Variants in LYSMD3 observed in about 807,000 individuals in gnomAD.
LYSMD3 encodes lysM and putative peptidoglycan-binding domain-containing protein 3.
LYSMD3 carries 13 observed loss-of-function variants against 26.1 expected under a neutral mutation model. The observed-to-expected ratio is 0.50, with a 90% CI of 0.32 to 0.79. The LOEUF (loss-of-function observed/expected upper bound fraction) is 0.79. Among genes scored for constraint, LYSMD3 ranks in the 30% least tolerant of loss-of-function variants. LYSMD3 has a pLI of 0.03. For synonymous variants in LYSMD3, 109 were observed against 119.4 expected, an observed-to-expected ratio of 0.91 and a Z score of 0.57; for missense variants, 331 against 362.5, an observed-to-expected ratio of 0.91 and a Z score of 0.71.
At chr5:90,529,366 A>AG (rs1753303551) in intron 1 of LYSMD3, 82 bp downstream of exon 1, 2 of 456,004 alleles carry the variant, frequency 4.4e-6, no homozygotes, top group Non-Finnish European at 8.8e-6. Flanking sequence ...GCCGAGGCTC[A>AG]GCGCCTCCCG....
At chr5:90,528,783 G>A (rs1171097222) in intron 1 of LYSMD3, among the ~76,000 whole-genome samples, 7 of 152,178 alleles carry the variant, frequency 4.6e-5, no homozygotes, top group Non-Finnish European at 7.3e-5. Flanking sequence ...CCTAGATTAC[G>A]AGGGGCCACA....
intron 2 of LYSMD3, among the ~76,000 whole-genome samples, chr5:90,521,399 A>C (rs1205034599): frequency 1.3e-5 from 2 of 152,108 alleles, no homozygotes; most frequent in African/African-American, 4.8e-5. Flanking sequence ...AGCAGGGAGT[A>C]GTGAACAGAA....
chr5:90,526,604 AGT>A (rs1420537250), intron 1 of LYSMD3, among the ~76,000 whole-genome samples: 1 of 152,224 alleles, frequency 6.6e-6, no homozygotes, highest in African/African-American at 2.4e-5. Flanking sequence ...GGAGGGAAGT[AGT>A]AAGAAGCACT....
intron 2 of LYSMD3, chr5:90,520,462 CTG>C: frequency 2.2e-6 from 1 of 454,836 alleles, no homozygotes; most frequent in South Asian, 1.6e-5. Flanking sequence ...AAATGGAACA[CTG>C]TGGAGGGTAA....
In LYSMD3 at chr5:90,518,703, A is replaced by C. The variant is rs1372466772; in HGVS notation, c.*116T>G. Reference sequence around the variant, plus strand: ...CAAAGTGTGAAACCCTTTTGTTAAAAACAAAAGCATCCTCAATCTCTCTAA... The same window carrying C: ...CAAAGTGTGAAACCCTTTTGTTAAACACAAAAGCATCCTCAATCTCTCTAA... On this transcript the variant is annotated 3_prime_UTR_variant, in exon 3 of 3. Coordinates refer to ENST00000315948, the MANE Select transcript of LYSMD3 (RefSeq NM_198273.2). 1 of 1,116,830 alleles carries C rather than the reference A, an allele frequency of 9.0e-7. No homozygotes were observed. The highest frequency in any genetic ancestry group is 2.6e-5 in the Admixed American group (1 of 38,930). The allele number at this position is 1,116,830 out of a possible 1,614,324, so 69.2% of individuals were successfully genotyped here.
At chr5:90,524,678 G>T (rs1241782430) in intron 2 of LYSMD3, among the ~76,000 whole-genome samples, 6 of 152,086 alleles carry the variant, frequency 3.9e-5, no homozygotes, top group Non-Finnish European at 8.8e-5. Context: ...TGCAAGCTCC[G>T]CCTCCCAGGT....
chr5:90,526,745 C>T (rs1005864898), intron 1 of LYSMD3, among the ~76,000 whole-genome samples: 2 of 152,036 alleles, frequency 1.3e-5, no homozygotes, highest in Non-Finnish European at 2.9e-5. Flanking sequence ...GGAAGAGGAG[C>T]TGGGGGAGGA....
At chr5:90,523,965 G>A (rs1580233336) in intron 2 of LYSMD3, among the ~76,000 whole-genome samples, 1 of 152,240 alleles carries the variant, frequency 6.6e-6, no homozygotes, top group Admixed American at 6.5e-5. Context: ...GGTCCAAATA[G>A]AGTATAGTAT....
At chr5:90,523,326 A>C (rs1753138666) in intron 2 of LYSMD3, among the ~76,000 whole-genome samples, 1 of 151,922 alleles carries the variant, frequency 6.6e-6, no homozygotes, top group African/African-American at 2.4e-5. Context: ...GTTTTGATGA[A>C]TTGTGAATTG....
rs572879081 is a variant in LYSMD3 at position 90,518,690 on chromosome 5, C to A, written c.*129G>T. 28 of 941,854 alleles carry A rather than the reference C, an allele frequency of 3.0e-5. No homozygotes were observed. Among genetic ancestry groups the A allele is most frequent in the African/African-American group, 1.5e-4 (9 of 60,344 alleles). The allele number at this position is 941,854 out of a possible 1,614,324, so 58.3% of individuals were successfully genotyped here. ...CTCAAAAAATTTTCAAAGTGTGAAA[C>A]CCTTTTGTTAAAAACAAAAGCATCC... On this transcript the variant is annotated 3_prime_UTR_variant, in exon 3 of 3. Transcript: ENST00000315948.
Position 90,519,151 on chromosome 5 carries a change from C to G in LYSMD3, c.589G>C (p.Glu197Gln). Reference sequence around the variant, plus strand: ...CGTTGAGTGTTTTTGTTATCAGGTTCAAAACGCATTTGTTGTGCTGTTAAG... The same window carrying G: ...CGTTGAGTGTTTTTGTTATCAGGTTGAAAACGCATTTGTTGTGCTGTTAAG... ...SALTAQQMRFEPDNKNTQRKD... is the reference protein window; with the variant it reads ...SALTAQQMRFQPDNKNTQRKD... Residue 197 changes from glutamate to glutamine, a missense_variant, in exon 3 of 3, where the codon GAA becomes CAA. Glu to Gln is a conservative substitution (Grantham distance 29). Transcript: ENST00000315948. The G allele has an allele frequency of 6.2e-7, 1 of 1,614,096 alleles. No individual in the cohort carries two copies. The highest frequency in any genetic ancestry group is 1.7e-5 in the Admixed American group (1 of 60,010).
At chr5:90,528,289 C>T (rs529284326) in intron 1 of LYSMD3, among the ~76,000 whole-genome samples, 9 of 152,238 alleles carry the variant, frequency 5.9e-5, no homozygotes, top group South Asian at 2.1e-4. Flanking sequence ...TAATATACAG[C>T]AATTTACACT....
At chr5:90,528,740 C>T (rs1753284081) in intron 1 of LYSMD3, among the ~76,000 whole-genome samples, 1 of 152,182 alleles carries the variant, frequency 6.6e-6, no homozygotes, top group Non-Finnish European at 1.5e-5. Flanking sequence ...GCACGAACTC[C>T]CTTTCAGAAA....
At chr5:90,520,340 C>T (rs1282637278) in intron 2 of LYSMD3, 1 of 453,936 alleles carries the variant, frequency 2.2e-6, no homozygotes, top group African/African-American at 2.0e-5. Flanking sequence ...TCCATCAATA[C>T]TTTAAAACCT....
intron 1 of LYSMD3, among the ~76,000 whole-genome samples, chr5:90,526,607 A>C (rs1300160764): frequency 6.6e-6 from 1 of 152,204 alleles, no homozygotes; most frequent in African/African-American, 2.4e-5. Context: ...GGGAAGTAGT[A>C]AGAAGCACTT....
Position 90,515,765 on chromosome 5 carries a change from A to G in LYSMD3, c.*3054T>C, listed in dbSNP as rs1032792657. The G allele has an allele frequency of 6.6e-6, 1 of 152,214 alleles. No individual in the cohort carries two copies. The highest frequency in any genetic ancestry group is 1.5e-5 in the Non-Finnish European group (1 of 68,014). 9.4% of individuals were successfully genotyped at this position (152,214 alleles called of 1,614,324 possible). A position where few individuals can be genotyped will look rare whatever the true frequency, so the allele number is the denominator to read the frequency against. Reference sequence around the variant, plus strand: ...CTACAGTTACATTTGTATAAAATACATTATACAAAAGATTTATAGATTTTG... The same window carrying G: ...CTACAGTTACATTTGTATAAAATACGTTATACAAAAGATTTATAGATTTTG... On this transcript the variant is annotated 3_prime_UTR_variant, in exon 3 of 3. Transcript: ENST00000315948.
In LYSMD3 at chr5:90,519,214, C is replaced by T; in HGVS notation, c.526G>A (p.Asp176Asn). Residue 176 changes from aspartate (D) to asparagine (N), a missense_variant, in exon 3 of 3, where the codon GAC (aspartate) becomes AAC (asparagine). Asp to Asn is a conservative substitution (Grantham distance 23). Coordinates refer to ENST00000315948, the MANE Select transcript of LYSMD3 (RefSeq NM_198273.2). ...TCATTGAGGTTCTCTCTCTTATTGT[C>T]TGTACACTTTACTATTTGTTCTATG... ...RDIEQIVKCTDNKRENLNEVV... is the reference protein window; with the variant it reads ...RDIEQIVKCTNNKRENLNEVV... 1 of 1,613,914 alleles carries T rather than the reference C, an allele frequency of 6.2e-7. No individual in the cohort carries two copies. Among genetic ancestry groups the T allele is most frequent in the Non-Finnish European group, 8.5e-7 (1 of 1,179,972 alleles).
At chr5:90,525,378 G>A in intron 1 of LYSMD3, 78 bp from the exon 2 acceptor site, 1 of 1,307,700 alleles carries the variant, frequency 7.6e-7, no homozygotes, top group Non-Finnish European at 1.1e-6. Context: ...CGTACATTCA[G>A]GACACAATCT....
chr5:90,525,943 TATTAC>T (rs971694402), intron 1 of LYSMD3, among the ~76,000 whole-genome samples: 1 of 152,164 alleles, frequency 6.6e-6, no homozygotes, highest in African/African-American at 2.4e-5. Context: ...TACTATAAAA[TATTAC>T]ATTAAATATA....
Sources: gnomAD v4.1 joint callset for allele counts (sites outside exome capture counted in the v4.1 genomes callset) on GRCh38, gnomAD v4.1.1 for gene constraint, MANE v1.5 for transcripts, NCBI Gene and HGNC (gene_info 2026-07-23, HGNC 2026-07-21) for gene names.